Variants in NT5M observed in about 807,000 individuals in gnomAD.
The protein encoded by NT5M is 5'(3')-deoxyribonucleotidase, mitochondrial.
Under a neutral mutation model 22.2 loss-of-function variants are expected in NT5M, and 22 were observed. The observed-to-expected ratio is 0.99, with a 90% CI of 0.71 to 1.41. The LOEUF (loss-of-function observed/expected upper bound fraction) is 1.41. Ranked by LOEUF, NT5M falls within the 40% of genes most tolerant of loss-of-function variation. The pLI is 0.00. For missense variants in NT5M, 322 were observed against 314.8 expected (o/e 1.02, Z -0.17); for synonymous variants, 167 against 133.0 (o/e 1.26, Z -1.76).
At chr17:17,340,662 G>C (rs1040935814) in intron 3 of NT5M, among the ~76,000 whole-genome samples, 2 of 151,958 alleles carry the variant, frequency 1.3e-5, no homozygotes, top group Non-Finnish European at 2.9e-5. Flanking sequence ...GAGTAGCTGG[G>C]ACTACAGGTA....
intron 2 of NT5M, among the ~76,000 whole-genome samples, chr17:17,308,375 A>G (rs538981368): frequency 1.3e-5 from 2 of 152,068 alleles, no homozygotes; most frequent in African/African-American, 2.4e-5. Context: ...GGGCGGATCA[A>G]GAGGTCAGGA....
At chr17:17,333,005 C>T (rs888377237) in intron 3 of NT5M, among the ~76,000 whole-genome samples, 3 of 152,188 alleles carry the variant, frequency 2.0e-5, no homozygotes, top group Non-Finnish European at 4.4e-5. Context: ...GCTCCCTATC[C>T]TTGTCAGCAT....
intron 2 of NT5M, among the ~76,000 whole-genome samples, chr17:17,314,976 C>A (rs1165259796): frequency 1.3e-5 from 2 of 152,184 alleles, no homozygotes; most frequent in African/African-American, 4.8e-5. Context: ...GTGTCTGTCC[C>A]TTCCTCTTTT....
chr17:17,326,689 C>T (rs2049274151), intron 3 of NT5M, among the ~76,000 whole-genome samples: 1 of 152,206 alleles, frequency 6.6e-6, no homozygotes, highest in Non-Finnish European at 1.5e-5. Flanking sequence ...GTCCCACACC[C>T]AGCCCTGGGT....
intron 2 of NT5M, among the ~76,000 whole-genome samples, chr17:17,310,877 G>A (rs533747103): frequency 1.3e-4 from 20 of 152,084 alleles, no homozygotes; most frequent in African/African-American, 3.1e-4. Context: ...AAAAAGATTC[G>A]GCTGAGCACA....
intron 3 of NT5M, among the ~76,000 whole-genome samples, chr17:17,338,677 GTTT>G (rs59650601): frequency 0.08 from 5,855 of 73,260 alleles, 214 homozygotes; most frequent in African/African-American, 0.19. Flanking sequence ...AATGTTAAGG[GTTT>G]TTTTTTTTTT....
chr17:17,308,663 C>G (rs771949210), intron 2 of NT5M, among the ~76,000 whole-genome samples: 16 of 152,154 alleles, frequency 1.1e-4, no homozygotes, highest in Non-Finnish European at 2.1e-4. Flanking sequence ...ACAAAACCAT[C>G]CACAAAGTTG....
rs373379034 is a variant in NT5M, at chr17:17,341,267, A to T, written c.430-3527A>T. Reference sequence around the variant, plus strand: ...TTTGGGGCTATGAAAGTCTAGTTATAATAATTACATTTATTTAGTACGTCT... The same window carrying T: ...TTTGGGGCTATGAAAGTCTAGTTATTATAATTACATTTATTTAGTACGTCT... On this transcript the variant is annotated intron_variant, in intron 3 of 4. Coordinates refer to ENST00000389022, the MANE Select transcript of NT5M (RefSeq NM_020201.4). Among the ~76,000 whole-genome samples, 3 of 152,244 alleles carry T rather than the reference A, an allele frequency of 2.0e-5. No homozygotes were observed. The East Asian group carries it at 5.8e-4, about 29-fold the overall frequency.
At chr17:17,334,499 A>G (rs1357971678) in intron 3 of NT5M, among the ~76,000 whole-genome samples, 7 of 87,610 alleles carry the variant, frequency 8.0e-5, no homozygotes, top group African/African-American at 2.2e-4. Context: ...TTTTTTTTTG[A>G]GATGGAGTCT....
chr17:17,303,454 T>C lies in NT5M; in HGVS notation c.-97T>C, dbSNP rs998005306. 7.0e-5 allele frequency: 70 copies of C among 997,044 alleles called. No individual in the cohort carries two copies. In the South Asian group the frequency reaches 2.8e-3, roughly 40 times the overall value. 61.8% of individuals were successfully genotyped at this position (997,044 alleles called of 1,614,324 possible). A position where few individuals can be genotyped will look rare whatever the true frequency, so the allele number is the denominator to read the frequency against. ...CCCGCGCTCCACGCGCGCCCCAGCG[T>C]TGGGGGCTTCTCCTCCGCGGCGGGA... On this transcript the variant is annotated 5_prime_UTR_variant, in exon 1 of 5. Coordinates refer to ENST00000389022, the MANE Select transcript of NT5M (RefSeq NM_020201.4).
chr17:17,342,975 C>T (rs1042772760), intron 3 of NT5M, among the ~76,000 whole-genome samples: 5 of 152,180 alleles, frequency 3.3e-5, no homozygotes, highest in African/African-American at 9.7e-5. Flanking sequence ...GGAATGTTGC[C>T]GTGAGGCTTA....
chr17:17,346,906 G>C lies in NT5M; in HGVS notation c.646G>C (p.Asp216His). ...PPRRRLHSWADDWKAILDSKR... is the reference protein window; with the variant it reads ...PPRRRLHSWAHDWKAILDSKR... ...CCGCCGCAGGCTGCACTCGTGGGCGGACGACTGGAAGGCCATTCTGGACAG... is the reference window on the plus strand; with the variant it reads ...CCGCCGCAGGCTGCACTCGTGGGCGCACGACTGGAAGGCCATTCTGGACAG... The change falls in exon 5 of 5, where the codon GAC becomes CAC. Residue 216 changes from aspartate (D) to histidine (H), a missense_variant. Coordinates refer to ENST00000389022, the MANE Select transcript of NT5M (RefSeq NM_020201.4). The C allele has an allele frequency of 6.2e-7, 1 of 1,611,290 alleles. No homozygotes were observed. Among genetic ancestry groups the C allele is most frequent in the Middle Eastern group, 1.7e-4 (1 of 6,044 alleles).
rs1490195145 is a variant in NT5M, at chr17:17,347,651, GT to G, written c.*705del. The stretch of plus-strand genomic sequence containing the variant: ...TGCATGAAAAATAAATGCTGTTCAT[GT>G]GTGTAGCTCAAGGCTGTGGCCTGCC... On this transcript the variant is annotated 3_prime_UTR_variant, in exon 5 of 5. Transcript: ENST00000389022. The G allele has an allele frequency of 2.0e-5, 3 of 152,440 alleles. No homozygotes were observed. The highest frequency in any genetic ancestry group is 2.9e-5 in the Non-Finnish European group (2 of 68,188). 9.4% of individuals were successfully genotyped at this position (152,440 alleles called of 1,614,324 possible).
chr17:17,305,389 C>T (rs7226045), intron 1 of NT5M, among the ~76,000 whole-genome samples: 10,349 of 77,884 alleles, frequency 0.13, 961 homozygotes, highest in African/African-American at 0.29. Flanking sequence ...GTGGTTAAAA[C>T]AACCGCCCCC....
Position 17,303,378 on chromosome 17 carries a change from G to T in NT5M, c.-173G>T, listed in dbSNP as rs1407317875. ...ACCGCGCGCGCCGCGGCCTCGCTCTGGGGCCGGTACTTGCGCGCCCGCACC... is the reference window on the plus strand; with the variant it reads ...ACCGCGCGCGCCGCGGCCTCGCTCTTGGGCCGGTACTTGCGCGCCCGCACC... On this transcript the variant is annotated 5_prime_UTR_variant, in exon 1 of 5. Transcript: ENST00000389022. 2.6e-6 allele frequency: 2 copies of T among 768,260 alleles called. No homozygotes were observed. Among genetic ancestry groups the T allele is most frequent in the Middle Eastern group, 6.5e-4 (1 of 1,544 alleles). 47.6% of individuals were successfully genotyped at this position (768,260 alleles called of 1,614,324 possible). A position where few individuals can be genotyped will look rare whatever the true frequency, so the allele number is the denominator to read the frequency against.
chr17:17,306,417 G>GGT (rs1019764075), intron 1 of NT5M, 126 bp from the exon 2 acceptor site: 1 of 718,900 alleles, frequency 1.4e-6, no homozygotes, highest in African/African-American at 1.8e-5. Flanking sequence ...TACGTCCTTG[G>GGT]GTGTGTGTTT....
At chr17:17,316,529 C>T (rs2049031530) in intron 2 of NT5M, among the ~76,000 whole-genome samples, 1 of 149,058 alleles carries the variant, frequency 6.7e-6, no homozygotes, top group Non-Finnish European at 1.5e-5. Flanking sequence ...GCGCCCGCCA[C>T]CACACCTGGC....
rs570067906 is a variant in NT5M, at chr17:17,308,359, C to T, written c.368+1716C>T. Among the ~76,000 whole-genome samples the T allele has an allele frequency of 1.4e-4, 21 of 152,032 alleles. No individual in the cohort carries two copies. In the South Asian group the frequency reaches 1.5e-3, roughly 11 times the overall value. ...CTACAATCCCAGCACTTTGGGAGGT[C>T]GAGGCGGGCGGATCAAGAGGTCAGG... On this transcript the variant is annotated intron_variant, in intron 2 of 4. Transcript: ENST00000389022.
At chr17:17,320,966 A>G (rs956227564) in intron 2 of NT5M, among the ~76,000 whole-genome samples, 1 of 152,112 alleles carries the variant, frequency 6.6e-6, no homozygotes, top group African/African-American at 2.4e-5. Context: ...GGGCAGGCCC[A>G]GTCTAGAGTG....
Sources: gnomAD v4.1 joint callset for allele counts (sites outside exome capture counted in the v4.1 genomes callset) on GRCh38, gnomAD v4.1.1 for gene constraint, MANE v1.5 for transcripts, NCBI Gene and HGNC (gene_info 2026-07-23, HGNC 2026-07-21) for gene names.